MYRIP: variants seen among roughly 807,000 people sequenced by gnomAD.
MYRIP encodes the protein rab effector MyRIP.
A neutral mutation model predicts 98.0 loss-of-function variants in MYRIP; 49 were observed. That is an observed-to-expected ratio of 0.50 (90% CI 0.40 to 0.63). MYRIP has a LOEUF of 0.63. MYRIP is among the 30% of genes least tolerant of loss of function. The pLI, the probability that MYRIP is intolerant of heterozygous loss-of-function variation, is 0.00. For synonymous variants in MYRIP, 404 were observed against 409.5 expected (o/e 0.99, Z 0.16); for missense variants, 1,004 against 1,058.2 (o/e 0.95, Z 0.71).
chr3:40,177,767 C>T (rs937424339), intron 8 of MYRIP, among the ~76,000 whole-genome samples: 2 of 152,098 alleles, frequency 1.3e-5, no homozygotes, highest in Admixed American at 6.5e-5. Context: ...CTAATAATAT[C>T]GTGATCTTAT....
chr3:40,078,456 G>C (rs1252909402), intron 3 of MYRIP, among the ~76,000 whole-genome samples: 1 of 152,198 alleles, frequency 6.6e-6, no homozygotes, highest in African/African-American at 2.4e-5. Context: ...AGGGCTGTGA[G>C]GACTGCCAGC....
intron 2 of MYRIP, among the ~76,000 whole-genome samples, chr3:39,948,778 G>C (rs1207411763): frequency 6.6e-6 from 1 of 152,060 alleles, no homozygotes; most frequent in African/African-American, 2.4e-5. Context: ...TTGATGAAAG[G>C]CTCTGATCAA....
At chr3:39,999,217 A>G (rs1359328630) in intron 2 of MYRIP, among the ~76,000 whole-genome samples, 3 of 152,240 alleles carry the variant, frequency 2.0e-5, no homozygotes, top group Non-Finnish European at 4.4e-5. Flanking sequence ...ACAGCAAAAG[A>G]AACTACCATC....
chr3:39,938,856 A>G (rs533481368), intron 2 of MYRIP, among the ~76,000 whole-genome samples: 2 of 152,136 alleles, frequency 1.3e-5, no homozygotes, highest in South Asian at 4.2e-4. Context: ...CAGATGAGAA[A>G]GCTAAGGCGT....
rs77954782 is a variant in MYRIP, at chr3:39,812,640, A to G, written c.-31+2724A>G. Among the ~76,000 whole-genome samples, 31 of 152,386 alleles carry G rather than the reference A, an allele frequency of 2.0e-4. No homozygotes were observed. In the East Asian group the frequency reaches 5.6e-3, roughly 27 times the overall value. The stretch of plus-strand genomic sequence containing the variant: ...GAATAGATTCTCATTTGATATATAA[A>G]AAGGAAGTATTTTGAATTCCTCAAA... On this transcript the variant is annotated intron_variant, in intron 1 of 16. Transcript: ENST00000302541.
intron 2 of MYRIP, among the ~76,000 whole-genome samples, chr3:39,948,745 T>C (rs1000630561): frequency 1.3e-5 from 2 of 151,964 alleles, no homozygotes; most frequent in African/African-American, 2.4e-5. Context: ...TTTGAAGAGA[T>C]ATTGGTTGAG....
intron 3 of MYRIP, among the ~76,000 whole-genome samples, chr3:40,083,311 A>T (rs1948521756): frequency 6.6e-6 from 1 of 152,174 alleles, no homozygotes. Context: ...TTCCTCTTGA[A>T]GGATTGGGGA....
chr3:39,929,297 G>T (rs1944488846), intron 2 of MYRIP, among the ~76,000 whole-genome samples: 1 of 152,002 alleles, frequency 6.6e-6, no homozygotes. Flanking sequence ...ACATATTAAA[G>T]ATCTCAATTC....
intron 2 of MYRIP, among the ~76,000 whole-genome samples, chr3:39,991,051 T>C (rs926362968): frequency 1.7e-4 from 26 of 152,174 alleles, no homozygotes; most frequent in African/African-American, 5.8e-4. Flanking sequence ...CTAATGTAAG[T>C]GACAGGTTGA....
intron 2 of MYRIP, among the ~76,000 whole-genome samples, chr3:39,919,217 T>C (rs80090365): frequency 0.015 from 2,222 of 152,296 alleles, 55 homozygotes; most frequent in African/African-American, 0.049. Context: ...TGGTTTTGAT[T>C]GTTTTCAGAA....
intron 8 of MYRIP, among the ~76,000 whole-genome samples, chr3:40,175,647 A>G (rs1385899490): frequency 1.3e-5 from 2 of 152,230 alleles, no homozygotes; most frequent in African/African-American, 4.8e-5. Flanking sequence ...GGGGTGACAC[A>G]TATGGTAGAC....
intron 2 of MYRIP, among the ~76,000 whole-genome samples, chr3:39,904,608 T>A (rs1175611625): frequency 6.6e-6 from 1 of 151,918 alleles, no homozygotes; most frequent in South Asian, 2.1e-4. Flanking sequence ...GAAGGGGCAA[T>A]GTGACTGTCC....
chr3:39,920,041 G>A (rs1306295825), intron 2 of MYRIP, among the ~76,000 whole-genome samples: 1 of 151,764 alleles, frequency 6.6e-6, no homozygotes, highest in Non-Finnish European at 1.5e-5. Context: ...GAGTTATGAG[G>A]ATTAAATGTC....
chr3:39,884,994 A>C (rs903439190), intron 1 of MYRIP, among the ~76,000 whole-genome samples: 1 of 140,120 alleles, frequency 7.1e-6, no homozygotes, highest in African/African-American at 2.7e-5. Context: ...GGTGGTATAA[A>C]TTTACATTCC....
chr3:40,087,607 C>T (rs1393651888), intron 3 of MYRIP, among the ~76,000 whole-genome samples: 2 of 152,060 alleles, frequency 1.3e-5, no homozygotes, highest in Non-Finnish European at 2.9e-5. Context: ...AACTAGTTCT[C>T]CAGGGGAAAA....
At chr3:40,169,822 G>C in intron 7 of MYRIP, 128 bp from the exon 8 acceptor site, 1 of 1,049,790 alleles carries the variant, frequency 9.5e-7, no homozygotes, top group Non-Finnish European at 1.4e-6. Context: ...ATCTGAAACA[G>C]CCTGGTGTTC....
At chr3:40,073,373 ATTATGTCGG>A (rs1242277462) in intron 3 of MYRIP, among the ~76,000 whole-genome samples, 70 of 152,228 alleles carry the variant, frequency 4.6e-4, no homozygotes, top group Non-Finnish European at 2.6e-4. Context: ...GCGGGTTTTT[ATTATGTCGG>A]ACTCTTCCTG....
At chr3:39,844,883 G>A (rs1941913179) in intron 1 of MYRIP, among the ~76,000 whole-genome samples, 1 of 152,160 alleles carries the variant, frequency 6.6e-6, no homozygotes, top group African/African-American at 2.4e-5. Flanking sequence ...ACGGGACAGA[G>A]CAGCTTATGC....
At chr3:40,108,438 G>A (rs947937516) in intron 3 of MYRIP, among the ~76,000 whole-genome samples, 2 of 152,168 alleles carry the variant, frequency 1.3e-5, no homozygotes, top group Non-Finnish European at 2.9e-5. Context: ...TTCTTGTATT[G>A]TGCAAGTGCA....
Sources: gnomAD v4.1 joint callset for allele counts (sites outside exome capture counted in the v4.1 genomes callset) on GRCh38, gnomAD v4.1.1 for gene constraint, MANE v1.5 for transcripts, NCBI Gene and HGNC (gene_info 2026-07-23, HGNC 2026-07-21) for gene names.